The following RALGPS2 variants were observed in gnomAD, a reference collection of about 807,000 sequenced individuals.
RALGPS2 encodes ras-specific guanine nucleotide-releasing factor RalGPS2.
Under a neutral mutation model 86.8 loss-of-function variants are expected in RALGPS2, and 43 were observed. The observed-to-expected ratio is 0.50, with a 90% CI of 0.39 to 0.64. RALGPS2 has a LOEUF of 0.64. RALGPS2 is among the 30% of genes least tolerant of loss of function. The probability of loss-of-function intolerance (pLI) is 0.00; values close to 1 mark genes in which losing one functional copy is unlikely to be tolerated. For synonymous variants in RALGPS2, 243 were observed against 231.3 expected, an observed-to-expected ratio of 1.05 and a Z score of -0.46; for missense variants, 536 against 694.6, an observed-to-expected ratio of 0.77 and a Z score of 2.57.
chr1:178,845,220 C>T (rs1287639333), intron 8 of RALGPS2, among the ~76,000 whole-genome samples: 2 of 152,030 alleles, frequency 1.3e-5, no homozygotes, highest in African/African-American at 4.8e-5. Context: ...TGTAAAATCT[C>T]TAGCCCTCTG....
chr1:178,839,302 A>ACAG (rs1656456133), intron 8 of RALGPS2, among the ~76,000 whole-genome samples: 1 of 152,244 alleles, frequency 6.6e-6, no homozygotes, highest in South Asian at 2.1e-4. Context: ...CATCAAACTA[A>ACAG]CAGCAGATCT....
chr1:178,772,988 A>T (rs1467732754), intron 1 of RALGPS2, among the ~76,000 whole-genome samples: 1 of 152,112 alleles, frequency 6.6e-6, no homozygotes, highest in Non-Finnish European at 1.5e-5. Flanking sequence ...TTTTTAATGG[A>T]GACGGGGTTT....
intron 1 of RALGPS2, among the ~76,000 whole-genome samples, chr1:178,734,777 A>G (rs76403764): frequency 0.036 from 5,495 of 152,222 alleles, 119 homozygotes; most frequent in Middle Eastern, 0.058. Context: ...TAAAATAGGG[A>G]GAGGGAGAGA....
At chr1:178,820,264 G>A (rs3766645) in intron 6 of RALGPS2, among the ~76,000 whole-genome samples, 35,939 of 152,082 alleles carry the variant, frequency 0.24, 4,979 homozygotes, top group Non-Finnish European at 0.32. Flanking sequence ...AAAGGGTTGT[G>A]AACCGATGCC....
At chr1:178,772,359 TGGAGA>T (rs1262261563) in intron 1 of RALGPS2, among the ~76,000 whole-genome samples, 2 of 152,188 alleles carry the variant, frequency 1.3e-5, no homozygotes, top group African/African-American at 2.4e-5. Context: ...ACAAAATATT[TGGAGA>T]GCACAGTTTA....
chr1:178,860,673 A>G (rs181529551), intron 8 of RALGPS2, among the ~76,000 whole-genome samples: 32 of 152,342 alleles, frequency 2.1e-4, no homozygotes, highest in Admixed American at 1.9e-3. Flanking sequence ...AATACTTCAT[A>G]TAAGTAGAGT....
At chr1:178,753,627 A>T (rs1474152410) in intron 1 of RALGPS2, 1 of 152,148 alleles carries the variant, frequency 6.6e-6, no homozygotes, top group East Asian at 1.9e-4. Context: ...GTTGTAGCGT[A>T]ATGTTCACCG....
At chr1:178,860,276 T>C (rs1233559123) in intron 8 of RALGPS2, among the ~76,000 whole-genome samples, 4 of 151,798 alleles carry the variant, frequency 2.6e-5, no homozygotes, top group Non-Finnish European at 2.9e-5. Flanking sequence ...AGGTGTATTA[T>C]TACATTCTCA....
chr1:178,821,276 G>C (rs939961633), intron 6 of RALGPS2, among the ~76,000 whole-genome samples: 6 of 152,178 alleles, frequency 3.9e-5, no homozygotes, highest in Admixed American at 1.3e-4. Context: ...TAATAGTTCA[G>C]TATAAGGGAG....
chr1:178,804,310 G>A (rs1654630870), intron 4 of RALGPS2, among the ~76,000 whole-genome samples: 1 of 139,622 alleles, frequency 7.2e-6, no homozygotes. Flanking sequence ...AAGTTTTAGG[G>A]TACATGTGCA....
At chr1:178,871,254 G>A (rs1658740373) in intron 8 of RALGPS2, among the ~76,000 whole-genome samples, 2 of 152,034 alleles carry the variant, frequency 1.3e-5, no homozygotes, top group Admixed American at 6.6e-5. Context: ...GAGAGATTGT[G>A]TGCAGGTTGA....
chr1:178,779,828 G>A (rs1200318192), intron 2 of RALGPS2, among the ~76,000 whole-genome samples: 1 of 152,198 alleles, frequency 6.6e-6, no homozygotes, highest in Admixed American at 6.5e-5. Flanking sequence ...CTGCCTCCCA[G>A]GTTCAAGCAA....
At chr1:178,902,304 T>C in intron 18 of RALGPS2, 93 bp downstream of exon 18, 2 of 969,080 alleles carry the variant, frequency 2.1e-6, no homozygotes, top group Non-Finnish European at 3.2e-6. Flanking sequence ...GTCATATATA[T>C]AATGTTTTAT....
chr1:178,763,540 C>G (rs1289793994), intron 1 of RALGPS2, among the ~76,000 whole-genome samples: 1 of 152,080 alleles, frequency 6.6e-6, no homozygotes, highest in Non-Finnish European at 1.5e-5. Context: ...GTTTTATAAT[C>G]TTCATTGTAA....
intron 2 of RALGPS2, among the ~76,000 whole-genome samples, chr1:178,780,928 A>G (rs1044467694): frequency 1.3e-5 from 2 of 152,092 alleles, no homozygotes; most frequent in Non-Finnish European, 2.9e-5. Context: ...TTTTATATTT[A>G]CAACCATAAG....
intron 1 of RALGPS2, among the ~76,000 whole-genome samples, chr1:178,752,821 G>T (rs7530293): frequency 0.09 from 13,702 of 152,194 alleles, 1,327 homozygotes; most frequent in African/African-American, 0.24. Context: ...CTGTTGTAGG[G>T]GAAGTCATTG....
chr1:178,868,384 A>G (rs1433126150), intron 8 of RALGPS2, among the ~76,000 whole-genome samples: 2 of 151,992 alleles, frequency 1.3e-5, no homozygotes, highest in African/African-American at 2.4e-5. Context: ...GCTAAAGTCC[A>G]TTCATTTTAA....
At chr1:178,768,369 A>G (rs1196002751) in intron 1 of RALGPS2, among the ~76,000 whole-genome samples, 2 of 151,984 alleles carry the variant, frequency 1.3e-5, no homozygotes. Flanking sequence ...TTTCTGTGAT[A>G]TTATTTTTTC....
Position 178,846,173 on chromosome 1 carries a change from AAGG to A in RALGPS2, c.607+12626_607+12628del, listed in dbSNP as rs530457951. Among the ~76,000 whole-genome samples the A allele has an allele frequency of 3.3e-5, 5 of 152,330 alleles. No homozygotes were observed. In the East Asian group the frequency reaches 9.6e-4, roughly 29 times the overall value. ...CTTTTTGCTGATCTGTAGGAATTAA[AAGG>A]AGATTTTTCCTCTCGTTTGATAGAA... On this transcript the variant is annotated intron_variant, in intron 8 of 19. Coordinates refer to ENST00000367635, the MANE Select transcript of RALGPS2 (RefSeq NM_152663.5).
Sources: gnomAD v4.1 joint callset for allele counts (sites outside exome capture counted in the v4.1 genomes callset) on GRCh38, gnomAD v4.1.1 for gene constraint, MANE v1.5 for transcripts, NCBI Gene and HGNC (gene_info 2026-07-23, HGNC 2026-07-21) for gene names.